The following PLCH2 variants were observed in gnomAD, a reference collection of about 807,000 sequenced individuals.
PLCH2 encodes 1-phosphatidylinositol 4,5-bisphosphate phosphodiesterase eta-2.
PLCH2 carries 98 observed loss-of-function variants against 134.7 expected under a neutral mutation model. That is an observed-to-expected ratio of 0.73 (90% CI 0.62 to 0.86). The LOEUF is 0.86. Ranked by LOEUF, PLCH2 falls within the 40% of genes least tolerant of loss-of-function variation. The pLI is 0.00. For missense variants in PLCH2, 1,994 were observed against 1,986.6 expected, an observed-to-expected ratio of 1.00 and a Z score of -0.07; for synonymous variants, 974 against 827.5, an observed-to-expected ratio of 1.18 and a Z score of -3.04.
At chr1:2,437,038 A>G (rs1428221069) in intron 2 of PLCH2, among the ~76,000 whole-genome samples, 2 of 152,210 alleles carry the variant, frequency 1.3e-5, no homozygotes, top group African/African-American at 2.4e-5. Flanking sequence ...ACCCTCCCAC[A>G]GTCCCCAGCC....
At position 2,503,612 on chromosome 1, in the gene PLCH2, C is replaced by G. The variant is rs993890386; in HGVS notation, c.2960-310C>G. On this transcript the variant is annotated intron_variant, in intron 21 of 21. Coordinates refer to ENST00000378486, the MANE Select transcript of PLCH2 (RefSeq NM_014638.4). ...TTTCTGCCCCCACCCACGCTGCCTC[C>G]GTAGTTAGGAACTGAGAGCGGCGAG... 8.6e-6 allele frequency: 6 copies of G among 697,774 alleles called. No homozygotes were observed. The East Asian group carries it at 1.1e-4, about 13-fold the overall frequency. 43.2% of individuals were successfully genotyped at this position (697,774 alleles called of 1,614,324 possible). A position where few individuals can be genotyped will look rare whatever the true frequency, so the allele number is the denominator to read the frequency against.
chr1:2,487,421 G>C (rs1365354091), intron 7 of PLCH2, 45 bp downstream of exon 7: 4 of 1,554,242 alleles, frequency 2.6e-6, no homozygotes, highest in East Asian at 2.3e-5. Flanking sequence ...GGCATCTGCT[G>C]TGGGAGATGG....
intron 21 of PLCH2, chr1:2,503,263 G>C: frequency 5.3e-6 from 3 of 562,034 alleles, no homozygotes; most frequent in Non-Finnish European, 9.6e-6. Flanking sequence ...GGCGGCTGGC[G>C]ACCTGCATGG....
intron 2 of PLCH2, among the ~76,000 whole-genome samples, chr1:2,457,716 G>T (rs957497913): frequency 2.6e-4 from 39 of 152,150 alleles, no homozygotes; most frequent in South Asian, 8.3e-4. Flanking sequence ...CAAAGGCGAA[G>T]GTGGCTCACC....
Position 2,480,286 on chromosome 1 carries a change from C to T in PLCH2, c.619C>T (p.Arg207Trp), listed in dbSNP as rs201911914. ...GCACAAGCTCAACGTGAACCTGCCC[C>T]GGCAGAGGGTGAAGCAGATGTTCAG... ...LLHKLNVNLP[R>W]QRVKQMFREA... Residue 207 changes from arginine (R) to tryptophan (W), a missense_variant, in exon 4 of 22, where the codon CGG (arginine) becomes TGG (tryptophan). Physicochemically the swap from Arg to Trp is moderately radical, Grantham distance 101. Transcript: ENST00000378486. 72 of 1,612,498 alleles carry T rather than the reference C, an allele frequency of 4.5e-5. No homozygotes were observed. Among genetic ancestry groups the T allele is most frequent in the Middle Eastern group, 1.6e-4 (1 of 6,082 alleles).
intron 21 of PLCH2, chr1:2,502,792 G>C: frequency 1.4e-6 from 1 of 716,838 alleles, no homozygotes; most frequent in Non-Finnish European, 2.6e-6. Context: ...TCCCCGAAAG[G>C]TCCCCCCGCT....
chr1:2,456,029 G>A (rs1007704852), intron 2 of PLCH2, among the ~76,000 whole-genome samples: 3 of 152,252 alleles, frequency 2.0e-5, no homozygotes, highest in Admixed American at 1.3e-4. Context: ...GTTATTTTGG[G>A]CTTGGCAATA....
upstream of PLCH2, among the ~76,000 whole-genome samples, chr1:2,425,317 A>G (rs1638739080): frequency 6.6e-6 from 1 of 152,184 alleles, no homozygotes; most frequent in Non-Finnish European, 1.5e-5. Context: ...ACATACACAC[A>G]TATACACACA....
intron 2 of PLCH2, among the ~76,000 whole-genome samples, chr1:2,461,561 C>T (rs1640802733): frequency 6.6e-6 from 1 of 152,166 alleles, no homozygotes; most frequent in Non-Finnish European, 1.5e-5. Flanking sequence ...GCTTTCGCTC[C>T]CTGCTGGGTT....
intron 4 of PLCH2, among the ~76,000 whole-genome samples, chr1:2,483,368 T>C (rs942239059): frequency 1.3e-5 from 2 of 152,144 alleles, no homozygotes; most frequent in African/African-American, 4.8e-5. Flanking sequence ...ACTGGGAGCG[T>C]AGGACCCCTC....
intron 2 of PLCH2, among the ~76,000 whole-genome samples, chr1:2,458,068 G>C (rs1278561537): frequency 6.6e-6 from 1 of 152,120 alleles, no homozygotes; most frequent in African/African-American, 2.4e-5. Flanking sequence ...CTGGCCCCAG[G>C]CTGTGTGTGT....
At chr1:2,433,737 G>C (rs1473670694) in intron 2 of PLCH2, among the ~76,000 whole-genome samples, 2 of 152,232 alleles carry the variant, frequency 1.3e-5, no homozygotes, top group Non-Finnish European at 2.9e-5. Context: ...AAAAAGACAA[G>C]GGAGAAAATC....
intron 2 of PLCH2, among the ~76,000 whole-genome samples, chr1:2,451,441 C>G (rs904409770): frequency 3.3e-5 from 5 of 152,196 alleles, no homozygotes; most frequent in African/African-American, 1.2e-4. Context: ...CCCCTCTGGA[C>G]TGATCAGTGC....
intron 1 of PLCH2, among the ~76,000 whole-genome samples, chr1:2,469,201 C>T (rs1641210849): frequency 6.6e-6 from 1 of 152,184 alleles, no homozygotes; most frequent in East Asian, 1.9e-4. Context: ...CCACTGGGCT[C>T]AGGATGCCTG....
At chr1:2,452,617 C>T (rs1570307435) in intron 2 of PLCH2, among the ~76,000 whole-genome samples, 1 of 152,328 alleles carries the variant, frequency 6.6e-6, no homozygotes, top group East Asian at 1.9e-4. Flanking sequence ...CCCAAGCTGC[C>T]CCAGAGAGCA....
At chr1:2,480,385 C>G (rs1641899019) in intron 4 of PLCH2, 73 bp downstream of exon 4, 4 of 1,506,736 alleles carry the variant, frequency 2.7e-6, no homozygotes, top group African/African-American at 2.8e-5. Flanking sequence ...TGGCTGGGAG[C>G]CTGCCAGCCC....
In PLCH2 at chr1:2,498,892, A is replaced by T. The variant is rs967621038; in HGVS notation, c.2434+64A>T. The T allele has an allele frequency of 1.5e-4, 216 of 1,413,920 alleles. 1 individual carries two copies. Among genetic ancestry groups the T allele is most frequent in the Non-Finnish European group, 2.6e-5 (26 of 1,017,868 alleles). 87.6% of individuals were successfully genotyped at this position (1,413,920 alleles called of 1,614,324 possible). A position where few individuals can be genotyped will look rare whatever the true frequency, so the allele number is the denominator to read the frequency against. ...AGTCTGAGGGGGGAGGGTTGGGGCT[A>T]CCTGGTGTGCCCGGGTGCCCTGCCC... On this transcript the variant is annotated intron_variant, in intron 18 of 21. Transcript: ENST00000378486. This position sits in a 1 kb window ranked among gnomAD's most constrained non-coding sequence, Gnocchi z 5.4.
chr1:2,421,330 G>A (rs566844634), upstream of PLCH2, among the ~76,000 whole-genome samples: 16 of 152,268 alleles, frequency 1.1e-4, no homozygotes, highest in East Asian at 1.9e-4. Context: ...AGGCTTGCAC[G>A]TGCTCACCAG....
chr1:2,495,164 G>A (rs550443915), intron 12 of PLCH2, among the ~76,000 whole-genome samples: 2 of 152,314 alleles, frequency 1.3e-5, no homozygotes, highest in African/African-American at 2.4e-5. Context: ...CCGAGCTATC[G>A]GTTGCAGGTG....
Sources: gnomAD v4.1 joint callset for allele counts (sites outside exome capture counted in the v4.1 genomes callset) on GRCh38, gnomAD v4.1.1 for gene constraint, Gnocchi (gnomAD v3.1) non-coding constraint, MANE v1.5 for transcripts, NCBI Gene and HGNC (gene_info 2026-07-23, HGNC 2026-07-21) for gene names.